Variants in DOK5 observed in about 807,000 individuals in gnomAD.
DOK5 encodes downstream of tyrosine kinase 5.
In DOK5, 27 loss-of-function variants were observed where a neutral mutation model predicts 43.3. That is an observed-to-expected ratio of 0.62 (90% CI 0.46 to 0.86). DOK5 has a LOEUF of 0.86. Among genes scored for constraint, DOK5 ranks in the 40% least tolerant of loss-of-function variants. The pLI is 0.00. For synonymous variants in DOK5, 146 were observed against 140.1 expected (o/e 1.04, Z -0.30); for missense variants, 373 against 392.9 (o/e 0.95, Z 0.43).
intron 6 of DOK5, among the ~76,000 whole-genome samples, chr20:54,634,690 C>T (rs1038612408): frequency 2.6e-5 from 4 of 151,766 alleles, no homozygotes; most frequent in African/African-American, 4.8e-5. Context: ...ATCCTCCTGC[C>T]TCGGCCTCCC....
intron 6 of DOK5, among the ~76,000 whole-genome samples, chr20:54,639,857 T>C (rs533630252): frequency 6.6e-6 from 1 of 152,166 alleles, no homozygotes; most frequent in South Asian, 2.1e-4. Context: ...CAAAAACACT[T>C]CTAATATTAC....
chr20:54,604,520 A>G (rs1457216691), intron 5 of DOK5, among the ~76,000 whole-genome samples: 2 of 151,764 alleles, frequency 1.3e-5, no homozygotes, highest in Non-Finnish European at 2.9e-5. Context: ...TGTCTCTCCA[A>G]ATTAATTCTC....
chr20:54,502,341 A>G (rs1982640433), intron 1 of DOK5, among the ~76,000 whole-genome samples: 1 of 152,214 alleles, frequency 6.6e-6, no homozygotes, highest in African/African-American at 2.4e-5. Flanking sequence ...TAACTGGTGA[A>G]TCAGAGTAAA....
intron 5 of DOK5, among the ~76,000 whole-genome samples, chr20:54,596,128 C>T (rs941978453): frequency 6.6e-6 from 1 of 152,160 alleles, no homozygotes; most frequent in Non-Finnish European, 1.5e-5. Flanking sequence ...AATTTTTATA[C>T]TTACCATCAA....
intron 7 of DOK5, among the ~76,000 whole-genome samples, chr20:54,645,261 C>T (rs1242235177): frequency 2.2e-5 from 3 of 138,710 alleles, no homozygotes; most frequent in Non-Finnish European, 4.8e-5. Flanking sequence ...GCTCTGAACC[C>T]TCAGTCCTCC....
chr20:54,496,634 C>T (rs1350535752), intron 1 of DOK5, among the ~76,000 whole-genome samples: 1 of 151,818 alleles, frequency 6.6e-6, no homozygotes, highest in African/African-American at 2.4e-5. Context: ...GGCGTGGTGG[C>T]AGGCGCCTGT....
chr20:54,488,771 T>G, intron 1 of DOK5, among the ~76,000 whole-genome samples: 1 of 61,904 alleles, frequency 1.6e-5, no homozygotes, highest in South Asian at 5.9e-4. Flanking sequence ...ACCCCTCCCC[T>G]CCCTCCCCTC....
chr20:54,619,074 T>TATATATA (rs71196459), intron 6 of DOK5, among the ~76,000 whole-genome samples: 2 of 106,254 alleles, frequency 1.9e-5, no homozygotes, highest in Non-Finnish European at 4.0e-5. Flanking sequence ...TATATATATA[T>TATATATA]GAAAAATCAC....
At chr20:54,588,930 C>T in intron 4 of DOK5, 124 bp downstream of exon 4, 2 of 990,668 alleles carry the variant, frequency 2.0e-6, no homozygotes, top group East Asian at 5.3e-5. Context: ...AATAAGTAAT[C>T]TTTTATCTAA....
intron 5 of DOK5, among the ~76,000 whole-genome samples, chr20:54,596,104 C>T (rs1392163748): frequency 6.6e-6 from 1 of 152,162 alleles, no homozygotes; most frequent in Non-Finnish European, 1.5e-5. Context: ...TTGCTTGAAA[C>T]TCAAATAAAG....
intron 1 of DOK5, among the ~76,000 whole-genome samples, chr20:54,536,284 C>T (rs1331459351): frequency 6.6e-6 from 1 of 152,136 alleles, no homozygotes; most frequent in East Asian, 1.9e-4. Context: ...GCATCAGTGG[C>T]CTTAGTCACT....
At chr20:54,620,925 A>G (rs188193407) in intron 6 of DOK5, among the ~76,000 whole-genome samples, 1 of 152,330 alleles carries the variant, frequency 6.6e-6, no homozygotes, top group African/African-American at 2.4e-5. Flanking sequence ...AACTAGAAAG[A>G]AGTTAAGTGT....
At chr20:54,480,396 G>C (rs532653840) in intron 1 of DOK5, among the ~76,000 whole-genome samples, 1 of 152,146 alleles carries the variant, frequency 6.6e-6, no homozygotes, top group Admixed American at 6.5e-5. Flanking sequence ...TCACTGCTAC[G>C]TGGCGCTACC....
chr20:54,597,535 C>G (rs1986180440), intron 5 of DOK5, among the ~76,000 whole-genome samples: 1 of 152,188 alleles, frequency 6.6e-6, no homozygotes, highest in Non-Finnish European at 1.5e-5. Flanking sequence ...TACTCATTAT[C>G]ATACAAACTA....
intron 6 of DOK5, among the ~76,000 whole-genome samples, chr20:54,622,707 C>T (rs1414621663): frequency 1.3e-5 from 2 of 152,272 alleles, no homozygotes; most frequent in African/African-American, 2.4e-5. Flanking sequence ...TGTCATGCCA[C>T]GACCCTTCCC....
intron 1 of DOK5, among the ~76,000 whole-genome samples, chr20:54,496,765 C>CAAAAAA (rs74179280): frequency 1.7e-5 from 1 of 59,504 alleles, no homozygotes; most frequent in African/African-American, 5.0e-5. Context: ...GACTCCGTCT[C>CAAAAAA]AAAAAAAAAA....
chr20:54,585,063 A>G (rs1985761367), intron 2 of DOK5, among the ~76,000 whole-genome samples: 1 of 152,180 alleles, frequency 6.6e-6, no homozygotes, highest in Non-Finnish European at 1.5e-5. Flanking sequence ...CTAAATTACT[A>G]AATTATTACT....
intron 1 of DOK5, among the ~76,000 whole-genome samples, chr20:54,528,210 A>G (rs1223138185): frequency 1.3e-5 from 2 of 152,208 alleles, no homozygotes. Flanking sequence ...CCGTCTCAAA[A>G]CAAAACAAAC....
chr20:54,640,228 A>C (rs1979042170), intron 6 of DOK5, among the ~76,000 whole-genome samples: 1 of 152,228 alleles, frequency 6.6e-6, no homozygotes, highest in African/African-American at 2.4e-5. Context: ...ATTCACATTG[A>C]AGTTGTAATG....
Sources: allele counts gnomAD v4.1 joint callset (sites outside exome capture counted in the v4.1 genomes callset), GRCh38; gene constraint gnomAD v4.1.1; transcripts MANE v1.5; gene names NCBI Gene and HGNC (gene_info 2026-07-23, HGNC 2026-07-21).